The following ZSWIM6 variants were observed in gnomAD, a reference collection of about 807,000 sequenced individuals.
ZSWIM6 encodes the protein zinc finger SWIM-type containing 6.
A neutral mutation model predicts 113.2 loss-of-function variants in ZSWIM6; 9 were observed. The ratio of observed to expected loss-of-function variants is 0.08; its 90% confidence interval spans 0.05 to 0.14. The LOEUF (loss-of-function observed/expected upper bound fraction) is 0.14. ZSWIM6 is among the 10% of genes least tolerant of loss of function. The pLI is 1.00. For missense variants in ZSWIM6, 1,162 were observed against 1,552.2 expected, an observed-to-expected ratio of 0.75 and a Z score of 4.22; for synonymous variants, 611 against 606.5, an observed-to-expected ratio of 1.01 and a Z score of -0.11.
Position 61,535,560 on chromosome 5 carries a change from C to G in ZSWIM6, c.2322C>G (p.Phe774Leu), listed in dbSNP as rs377739461. 1.3e-4 allele frequency: 208 copies of G among 1,551,368 alleles called. No individual in the cohort carries two copies. In the African/African-American group the frequency reaches 2.7e-3, roughly 20 times the overall value. ...TGCACACATTTGCCAAGTATCTCTT[C>G]ACCTCTCTCCTACCTCACGATGCTG... Reference protein sequence around the residue: ...VPMHTFAKYLFTSLLPHDAEL... With the variant: ...VPMHTFAKYLLTSLLPHDAEL... Residue 774 changes from phenylalanine (F) to leucine (L), a missense_variant, in exon 10 of 14, where the codon TTC becomes TTG. Physicochemically the swap from Phe to Leu is conservative, Grantham distance 22 (BLOSUM62 0). This residue lies in a region of ZSWIM6 where 620 missense variants were observed against 804.6 expected (regional missense o/e 0.77). Transcript: ENST00000252744.
intron 1 of ZSWIM6, among the ~76,000 whole-genome samples, chr5:61,359,719 GATA>G (rs1463131318): frequency 6.6e-6 from 1 of 151,930 alleles, no homozygotes; most frequent in Non-Finnish European, 1.5e-5. Flanking sequence ...TGTTAATATT[GATA>G]AAGTGCTTTC....
chr5:61,535,396 A>G, intron 9 of ZSWIM6, 88 bp from the exon 10 acceptor site: 1 of 1,435,010 alleles, frequency 7.0e-7, no homozygotes, highest in Non-Finnish European at 9.5e-7. Flanking sequence ...ATATGTTATA[A>G]CTTTATGTGA....
At chr5:61,477,401 A>G (rs1747734690) in intron 2 of ZSWIM6, among the ~76,000 whole-genome samples, 3 of 152,244 alleles carry the variant, frequency 2.0e-5, no homozygotes, top group Non-Finnish European at 4.4e-5. Context: ...GAGGGTTGGC[A>G]CATGACATCT....
intron 4 of ZSWIM6, among the ~76,000 whole-genome samples, chr5:61,494,765 TAG>T (rs1304778478): frequency 2.0e-5 from 3 of 152,222 alleles, no homozygotes; most frequent in African/African-American, 4.8e-5. Flanking sequence ...AGCTAAAATT[TAG>T]AGTCTTTCTT....
intron 1 of ZSWIM6, among the ~76,000 whole-genome samples, chr5:61,380,065 C>T (rs1579964358): frequency 1.3e-5 from 2 of 152,064 alleles, no homozygotes; most frequent in South Asian, 4.2e-4. Context: ...ACTCTGTCTT[C>T]ATACTAGATT....
intron 1 of ZSWIM6, chr5:61,391,778 A>G (rs528720854): frequency 2.0e-6 from 2 of 984,128 alleles, no homozygotes; most frequent in African/African-American, 1.6e-5. Context: ...TCCTTAGGAA[A>G]GCTCTTCACC....
At chr5:61,501,898 AG>A (rs1183232896) in intron 4 of ZSWIM6, among the ~76,000 whole-genome samples, 1 of 152,194 alleles carries the variant, frequency 6.6e-6, no homozygotes, top group African/African-American at 2.4e-5. Flanking sequence ...ATTCTTAGAA[AG>A]GTTCTCTCCC....
At chr5:61,365,684 C>T (rs558608992) in intron 1 of ZSWIM6, among the ~76,000 whole-genome samples, 2 of 152,146 alleles carry the variant, frequency 1.3e-5, no homozygotes, top group Admixed American at 1.3e-4. Flanking sequence ...TAGCGGTTTT[C>T]AGTACTTAGG....
chr5:61,333,943 C>T (rs1031228524), intron 1 of ZSWIM6, among the ~76,000 whole-genome samples: 2 of 152,108 alleles, frequency 1.3e-5, no homozygotes, highest in Non-Finnish European at 2.9e-5. Flanking sequence ...GAGGGCTCGG[C>T]GGCCGCTCCC....
At chr5:61,349,268 GA>G (rs1204841063) in intron 1 of ZSWIM6, among the ~76,000 whole-genome samples, 4 of 151,724 alleles carry the variant, frequency 2.6e-5, no homozygotes, top group African/African-American at 4.8e-5. Flanking sequence ...CTGCTAGTTT[GA>G]AAAAAAATTC....
intron 1 of ZSWIM6, among the ~76,000 whole-genome samples, chr5:61,445,353 T>C (rs143409255): frequency 2.0e-5 from 3 of 152,180 alleles, no homozygotes; most frequent in Non-Finnish European, 4.4e-5. Context: ...AAAAAGAGCA[T>C]CATCATACAT....
At chr5:61,515,815 T>C (rs908044585) in intron 4 of ZSWIM6, among the ~76,000 whole-genome samples, 2 of 152,160 alleles carry the variant, frequency 1.3e-5, no homozygotes, top group Non-Finnish European at 2.9e-5. Flanking sequence ...CTGTCAGTTT[T>C]GCTTCCTGTA....
intron 1 of ZSWIM6, among the ~76,000 whole-genome samples, chr5:61,428,522 G>A (rs956843956): frequency 2.5e-4 from 36 of 145,942 alleles, no homozygotes; most frequent in Admixed American, 4.2e-4. Flanking sequence ...ACCGCTACAC[G>A]CAGCTAACTT....
At position 61,543,369 on chromosome 5, in the gene ZSWIM6, T is replaced by TAA; in HGVS notation, c.2786-84_2786-83dup. On this transcript the variant is annotated intron_variant, in intron 13 of 13. Coordinates refer to ENST00000252744, the MANE Select transcript of ZSWIM6 (RefSeq NM_020928.2). The surrounding 1 kb of genome is among the most constrained non-coding windows in gnomAD (Gnocchi z 4.3). ...TCATGTCCTATGATGGTTAACAATG[T>TAA]AAACACTGGTTGTAAAAGTCAAAAT... The TAA allele has an allele frequency of 6.9e-7, 1 of 1,442,424 alleles. No homozygotes were observed. Among genetic ancestry groups the TAA allele is most frequent in the Non-Finnish European group, 9.2e-7 (1 of 1,089,414 alleles). The allele number at this position is 1,442,424 out of a possible 1,614,324, so 89.4% of individuals were successfully genotyped here.
chr5:61,530,085 A>C lies in ZSWIM6; in HGVS notation c.1871A>C (p.Asn624Thr), dbSNP rs375378529. ...LPHKNITSIT[N>T]LEGWVGHPLD... ...CATAAAAACATAACCTCGATAACCA[A>C]TCTGGAGGGCTGGGTTGGACATCCC... The change falls in exon 8 of 14, where the codon AAT becomes ACT. Residue 624 changes from asparagine (N) to threonine (T), a missense_variant. Physicochemically the swap from Asn to Thr is moderately conservative, Grantham distance 65. This residue lies in a region of ZSWIM6 where 620 missense variants were observed against 804.6 expected (regional missense o/e 0.77). Transcript: ENST00000252744. 5.9e-5 allele frequency: 91 copies of C among 1,551,358 alleles called. No homozygotes were observed. The highest frequency in any genetic ancestry group is 7.2e-5 in the Non-Finnish European group (82 of 1,146,832).
At chr5:61,534,475 C>T (rs563060147) in intron 9 of ZSWIM6, among the ~76,000 whole-genome samples, 1 of 152,270 alleles carries the variant, frequency 6.6e-6, no homozygotes, top group East Asian at 1.9e-4. Context: ...AACTCTTCAC[C>T]ACACTGGTTT....
intron 1 of ZSWIM6, among the ~76,000 whole-genome samples, chr5:61,379,993 A>G (rs1408807669): frequency 6.6e-6 from 1 of 152,172 alleles, no homozygotes; most frequent in African/African-American, 2.4e-5. Flanking sequence ...TAAGGTGAGA[A>G]AATAGTTTTG....
chr5:61,404,206 C>T (rs1746001025), intron 1 of ZSWIM6, among the ~76,000 whole-genome samples: 1 of 152,108 alleles, frequency 6.6e-6, no homozygotes, highest in African/African-American at 2.4e-5. Flanking sequence ...TGGGGTTTCA[C>T]CGTATTAGCC....
intron 6 of ZSWIM6, 101 bp from the exon 7 acceptor site, chr5:61,526,149 T>A: frequency 1.4e-6 from 2 of 1,443,834 alleles, no homozygotes; most frequent in Non-Finnish European, 1.8e-6. Context: ...GTTTCTTGTG[T>A]CTTTTTAATA....
Sources: gnomAD v4.1 joint callset for allele counts (sites outside exome capture counted in the v4.1 genomes callset) on GRCh38, gnomAD v4.1.1 for gene constraint, gnomAD v4.1.1 regional missense constraint, Gnocchi (gnomAD v3.1) non-coding constraint, MANE v1.5 for transcripts, NCBI Gene and HGNC (gene_info 2026-07-23, HGNC 2026-07-21) for gene names.